QRSL1: variants seen among roughly 807,000 people sequenced by gnomAD.
QRSL1 encodes glutaminyl-tRNA amidotransferase subunit QRSL1.
A neutral mutation model predicts 61.6 loss-of-function variants in QRSL1; 54 were observed. The observed-to-expected ratio is 0.88, with a 90% CI of 0.70 to 1.10. QRSL1 has a LOEUF of 1.10. Ranked by LOEUF, QRSL1 falls within the 50% of genes least tolerant of loss-of-function variation. The pLI is 0.00. For synonymous variants in QRSL1, 228 were observed against 225.7 expected (o/e 1.01, Z -0.09); for missense variants, 505 against 622.6 (o/e 0.81, Z 2.01).
chr6:106,646,704 A>G (rs951186823), intron 4 of QRSL1, among the ~76,000 whole-genome samples: 4 of 152,100 alleles, frequency 2.6e-5, no homozygotes, highest in African/African-American at 9.7e-5. Context: ...TCTTTTAGAT[A>G]GGACACATGA....
chr6:106,660,383 C>T (rs1212163705), intron 9 of QRSL1, among the ~76,000 whole-genome samples: 2 of 148,006 alleles, frequency 1.4e-5, no homozygotes, highest in Non-Finnish European at 3.0e-5. Context: ...GACAGGATCT[C>T]CCTGTGTTGC....
Position 106,649,026 on chromosome 6 carries a change from T to A in QRSL1, c.382T>A (p.Ser128Thr). The A allele has an allele frequency of 1.2e-6, 2 of 1,608,086 alleles. No homozygotes were observed. Among genetic ancestry groups the A allele is most frequent in the Non-Finnish European group, 1.7e-6 (2 of 1,176,414 alleles). ...TATCTTGCTTCACTTCGTCATCAGA[T>A]CTGGGAGCACAGATGGTGTATTTGG... ...KTNLDEFAMG[S>T]GSTDGVFGPV... The change falls in exon 5 of 11, where the codon TCT becomes ACT. Residue 128 changes from serine to threonine, a missense_variant and splice_region_variant. Physicochemically the swap from Ser to Thr is moderately conservative, Grantham distance 58 (BLOSUM62 1). Coordinates refer to ENST00000369046, the MANE Select transcript of QRSL1 (RefSeq NM_018292.5).
rs112806566 is a variant in QRSL1 at position 106,631,053 on chromosome 6, C to T, written c.24+1348C>T. 3.4e-3 allele frequency among the ~76,000 whole-genome samples: 511 copies of T among 152,200 alleles called. 5 individuals carry two copies. Among genetic ancestry groups the T allele is most frequent in the African/African-American group, 0.012 (479 of 41,530 alleles). ...CATCCTGGCTAACACGGTGAAACCC[C>T]ATTTCTACTAAATATACAAAAAATT... On this transcript the variant is annotated intron_variant, in intron 1 of 10. Coordinates refer to ENST00000369046, the MANE Select transcript of QRSL1 (RefSeq NM_018292.5).
At chr6:106,649,379 A>G (rs1056287727) in intron 5 of QRSL1, among the ~76,000 whole-genome samples, 178 bp downstream of exon 5, 2 of 151,276 alleles carry the variant, frequency 1.3e-5, no homozygotes, top group Non-Finnish European at 2.9e-5. Context: ...TACACTATGT[A>G]TATTTAATAC....
At chr6:106,658,130 T>C (rs1777300428) in intron 9 of QRSL1, among the ~76,000 whole-genome samples, 1 of 152,214 alleles carries the variant, frequency 6.6e-6, no homozygotes, top group South Asian at 2.1e-4. Flanking sequence ...CTGCTTTTTT[T>C]TCTTTAAATA....
In QRSL1 at chr6:106,639,111, G is replaced by GTTTTTTTTTT. The variant is rs1562164982; in HGVS notation, c.25-1234_25-1233insTTTTTTTTTT. On this transcript the variant is annotated intron_variant, in intron 1 of 10. Transcript: ENST00000369046. ...ACCTAACTTGTGTGGTTATTTGTGTGTTTTGTTGTTTTTTTTTTTTTTTTT... is the reference window on the plus strand; with the variant it reads ...ACCTAACTTGTGTGGTTATTTGTGTGTTTTTTTTTTTTTTGTTGTTTTTTTTTTTTTTTTT... Among the ~76,000 whole-genome samples, 280 of 60,706 alleles carry GTTTTTTTTTT rather than the reference G, an allele frequency of 4.6e-3. 12 individuals are homozygous for GTTTTTTTTTT. The highest frequency in any genetic ancestry group is 0.018 in the African/African-American group (274 of 14,900). 39.8% of individuals were successfully genotyped at this position (60,706 alleles called of 152,430 possible). A position where few individuals can be genotyped will look rare whatever the true frequency, so the allele number is the denominator to read the frequency against.
intron 4 of QRSL1, among the ~76,000 whole-genome samples, chr6:106,647,002 T>C (rs1361026735): frequency 8.4e-6 from 1 of 119,208 alleles, no homozygotes; most frequent in Non-Finnish European, 1.6e-5. Flanking sequence ...CACTCCAGCC[T>C]GGGTGACAGA....
chr6:106,652,585 A>G lies in QRSL1; in HGVS notation c.849+3A>G. ...AACTATGTATAGGAATTCCAAAGGT[A>G]ACTTTTTCCTTTCATTACTTTACAG... On this transcript the variant is annotated splice_donor_region_variant and intron_variant, in intron 7 of 10. Transcript: ENST00000369046. 6.2e-7 allele frequency: 1 copy of G among 1,614,218 alleles called. No homozygotes were observed. The highest frequency in any genetic ancestry group is 8.5e-7 in the Non-Finnish European group (1 of 1,180,042).
At position 106,668,022 on chromosome 6, in the gene QRSL1, G is replaced by A. The variant is rs1348368345; in HGVS notation, c.*2020G>A. 2 of 151,978 alleles carry A rather than the reference G, an allele frequency of 1.3e-5. No individual in the cohort carries two copies. Among genetic ancestry groups the A allele is most frequent in the Admixed American group, 1.3e-4 (2 of 15,242 alleles). 9.4% of individuals were successfully genotyped at this position (151,978 alleles called of 1,614,324 possible). A position where few individuals can be genotyped will look rare whatever the true frequency, so the allele number is the denominator to read the frequency against. On this transcript the variant is annotated 3_prime_UTR_variant, in exon 11 of 11. Transcript: ENST00000369046. ...TTGCCCAGGCTAGTCTCAAACTCCT[G>A]GGCTCAAGTGATCTGCCTCCCTCAG... is the stretch of plus-strand genomic sequence containing the variant.
At chr6:106,646,765 A>T (rs1488072099) in intron 4 of QRSL1, among the ~76,000 whole-genome samples, 2 of 152,186 alleles carry the variant, frequency 1.3e-5, no homozygotes, top group Non-Finnish European at 2.9e-5. Flanking sequence ...ACGGTGGCTC[A>T]CACCTGTAAT....
At chr6:106,653,008 A>G (rs549864416) in intron 7 of QRSL1, 13 of 338,240 alleles carry the variant, frequency 3.8e-5, no homozygotes, top group African/African-American at 2.5e-4. Context: ...CATCTGGCCT[A>G]TGGGCCATAG....
intron 9 of QRSL1, among the ~76,000 whole-genome samples, chr6:106,658,563 A>T (rs1276871566): frequency 2.0e-5 from 3 of 152,280 alleles, no homozygotes; most frequent in African/African-American, 7.2e-5. Context: ...CTTTAAAAAA[A>T]AAAAGTATAG....
At chr6:106,647,766 T>G (rs1243819352) in intron 4 of QRSL1, among the ~76,000 whole-genome samples, 1 of 138,816 alleles carries the variant, frequency 7.2e-6, no homozygotes, top group Non-Finnish European at 1.5e-5. Flanking sequence ...TTCTTCTGCC[T>G]CAGCCTCCCG....
Position 106,660,359 on chromosome 6 carries a change from G to T in QRSL1, c.1161-2621G>T, listed in dbSNP as rs1175224177. On this transcript the variant is annotated intron_variant, in intron 9 of 10. Coordinates refer to ENST00000369046, the MANE Select transcript of QRSL1 (RefSeq NM_018292.5). ...CCCCCGTGAAGCTAGGACTACTGTA[G>T]TTTTTTTTGTAGAGACAGGATCTCC... 2.0e-5 allele frequency among the ~76,000 whole-genome samples: 3 copies of T among 146,428 alleles called. No individual in the cohort carries two copies. In the Admixed American group the frequency reaches 2.1e-4, roughly 10 times the overall value.
chr6:106,658,965 T>A (rs925607228), intron 9 of QRSL1, among the ~76,000 whole-genome samples: 1 of 151,152 alleles, frequency 6.6e-6, no homozygotes, highest in Non-Finnish European at 1.5e-5. Context: ...TCTTTTTTTT[T>A]CCCCCAGTCT....
intron 4 of QRSL1, among the ~76,000 whole-genome samples, chr6:106,647,225 A>C (rs1026599906): frequency 6.6e-6 from 1 of 151,988 alleles, no homozygotes; most frequent in Non-Finnish European, 1.5e-5. Flanking sequence ...AAAACAAGCA[A>C]CCCTATTTTT....
At chr6:106,651,834 C>G (rs748290868) in intron 5 of QRSL1, among the ~76,000 whole-genome samples, 33 of 151,818 alleles carry the variant, frequency 2.2e-4, no homozygotes, top group Non-Finnish European at 1.2e-4. Context: ...CTTTAAAATA[C>G]CAGGAATCAC....
intron 10 of QRSL1, 84 bp downstream of exon 10, chr6:106,663,269 G>A (rs1459107625): frequency 1.5e-6 from 2 of 1,369,636 alleles, no homozygotes; most frequent in African/African-American, 2.9e-5. Context: ...CTAGCTAGAT[G>A]GTTTCCGAAA....
intron 4 of QRSL1, among the ~76,000 whole-genome samples, chr6:106,648,167 G>A (rs1369627821): frequency 6.6e-6 from 1 of 151,600 alleles, no homozygotes; most frequent in African/African-American, 2.4e-5. Flanking sequence ...GTGATGGCAC[G>A]CACCTGTAGT....
Sources: allele counts gnomAD v4.1 joint callset (sites outside exome capture counted in the v4.1 genomes callset), GRCh38; gene constraint gnomAD v4.1.1; transcripts MANE v1.5; gene names NCBI Gene and HGNC (gene_info 2026-07-23, HGNC 2026-07-21).